The following NLGN1 variants were observed in gnomAD, a reference collection of about 807,000 sequenced individuals.
The protein encoded by NLGN1 is neuroligin-1.
In NLGN1, 12 loss-of-function variants were observed where a neutral mutation model predicts 65.5. That is an observed-to-expected ratio of 0.18 (90% CI 0.12 to 0.30). The LOEUF (loss-of-function observed/expected upper bound fraction) is 0.30, where lower values mean the gene tolerates loss of function less well. Ranked by LOEUF, NLGN1 falls within the 10% of genes least tolerant of loss-of-function variation. The pLI is 1.00. For synonymous variants in NLGN1, 350 were observed against 359.5 expected (o/e 0.97, Z 0.30); for missense variants, 750 against 1,007.1 (o/e 0.74, Z 3.46).
chr3:173,583,159 T>G (rs78301634), intron 2 of NLGN1, among the ~76,000 whole-genome samples: 3,668 of 152,346 alleles, frequency 0.024, 100 homozygotes, highest in East Asian at 0.11. Context: ...TAGTTCATAT[T>G]GGAACTTCCT....
intron 3 of NLGN1, among the ~76,000 whole-genome samples, chr3:173,652,627 A>G (rs1759384882): frequency 6.6e-6 from 1 of 152,150 alleles, no homozygotes; most frequent in Non-Finnish European, 1.5e-5. Context: ...TACCAGTACT[A>G]TGCTGTTATA....
intron 4 of NLGN1, among the ~76,000 whole-genome samples, chr3:173,854,147 A>G (rs910404445): frequency 1.3e-5 from 2 of 152,048 alleles, no homozygotes; most frequent in African/African-American, 4.8e-5. Context: ...TACACTTTTA[A>G]TATGGCAACA....
intron 1 of NLGN1, among the ~76,000 whole-genome samples, chr3:173,432,917 C>T (rs1171905646): frequency 6.6e-6 from 1 of 151,858 alleles, no homozygotes; most frequent in Non-Finnish European, 1.5e-5. Context: ...GGAACCACTC[C>T]CCCCAGGCTC....
chr3:174,006,738 G>T (rs1398658270), intron 4 of NLGN1, among the ~76,000 whole-genome samples: 1 of 152,094 alleles, frequency 6.6e-6, no homozygotes, highest in South Asian at 2.1e-4. Flanking sequence ...GGCTGTTAGG[G>T]TGTGCCCTAA....
chr3:174,026,652 C>A (rs541689351), intron 4 of NLGN1, among the ~76,000 whole-genome samples: 1 of 152,154 alleles, frequency 6.6e-6, no homozygotes, highest in East Asian at 1.9e-4. Context: ...TTGGATAAAA[C>A]AGGTGTTCAG....
At chr3:173,403,152 A>G (rs1038389451) in intron 1 of NLGN1, among the ~76,000 whole-genome samples, 3 of 152,174 alleles carry the variant, frequency 2.0e-5, no homozygotes, top group African/African-American at 7.2e-5. Flanking sequence ...TAGAATGCAT[A>G]CTTTCATGAT....
intron 3 of NLGN1, among the ~76,000 whole-genome samples, chr3:173,755,019 A>G (rs755232201): frequency 3.9e-5 from 6 of 152,148 alleles, no homozygotes; most frequent in Non-Finnish European, 7.4e-5. Context: ...AGATCAAGGT[A>G]GTGCTTAATT....
chr3:174,193,051 C>T (rs1010565033), intron 4 of NLGN1, among the ~76,000 whole-genome samples: 9 of 152,138 alleles, frequency 5.9e-5, no homozygotes, highest in Non-Finnish European at 1.2e-4. Flanking sequence ...TAATTGTCAG[C>T]TCCTGTCACT....
At chr3:173,530,408 G>C (rs1444936321) in intron 2 of NLGN1, among the ~76,000 whole-genome samples, 2 of 152,116 alleles carry the variant, frequency 1.3e-5, no homozygotes, top group African/African-American at 4.8e-5. Context: ...GAAGAGAGAG[G>C]GTGTGGATGA....
At chr3:174,170,974 T>C (rs1348255208) in intron 4 of NLGN1, among the ~76,000 whole-genome samples, 1 of 152,144 alleles carries the variant, frequency 6.6e-6, no homozygotes, top group African/African-American at 2.4e-5. Flanking sequence ...GAAATGAAAA[T>C]TTACATTCAT....
chr3:173,614,315 G>A (rs963165320), intron 3 of NLGN1, among the ~76,000 whole-genome samples: 2 of 152,058 alleles, frequency 1.3e-5, no homozygotes, highest in Non-Finnish European at 1.5e-5. Flanking sequence ...GCTACTCTCA[G>A]TAAAGGAAGA....
At chr3:173,433,071 C>G (rs1717478074) in intron 1 of NLGN1, among the ~76,000 whole-genome samples, 1 of 152,164 alleles carries the variant, frequency 6.6e-6, no homozygotes, top group South Asian at 2.1e-4. Flanking sequence ...TCTCCCTTTT[C>G]ATATTTGCAA....
intron 2 of NLGN1, among the ~76,000 whole-genome samples, chr3:173,594,296 C>G (rs907462328): frequency 2.0e-5 from 3 of 152,200 alleles, no homozygotes; most frequent in Non-Finnish European, 2.9e-5. Context: ...TAGATACAGC[C>G]ATTCCAAATG....
chr3:174,181,800 CACACACATAT>C (rs1730466721), intron 4 of NLGN1, among the ~76,000 whole-genome samples: 1 of 149,962 alleles, frequency 6.7e-6, no homozygotes, highest in African/African-American at 2.5e-5. Context: ...CACACACACA[CACACACATAT>C]GTATGTACAC....
chr3:174,032,992 A>ATAGATG (rs1730339028), intron 4 of NLGN1, among the ~76,000 whole-genome samples: 1 of 151,968 alleles, frequency 6.6e-6, no homozygotes, highest in Non-Finnish European at 1.5e-5. Flanking sequence ...ATATATAGAT[A>ATAGATG]TAGATCTATC....
downstream of NLGN1, among the ~76,000 whole-genome samples, chr3:174,291,073 CAA>C (rs1049542177): frequency 1.2e-4 from 18 of 148,012 alleles, no homozygotes; most frequent in African/African-American, 3.4e-4. Flanking sequence ...AAATGCAGAC[CAA>C]AGAATGCTTT....
chr3:174,121,615 G>T (rs146407272), intron 4 of NLGN1, among the ~76,000 whole-genome samples: 84 of 152,106 alleles, frequency 5.5e-4, no homozygotes, highest in Non-Finnish European at 1.1e-3. Flanking sequence ...ATAGCTATGG[G>T]CATACAATTT....
intron 4 of NLGN1, among the ~76,000 whole-genome samples, chr3:173,956,234 G>T (rs1322884639): frequency 6.6e-6 from 1 of 152,090 alleles, no homozygotes. Context: ...CAGCAAATTA[G>T]CAGTGAATCA....
intron 3 of NLGN1, among the ~76,000 whole-genome samples, chr3:173,704,429 G>C (rs187525232): frequency 2.6e-5 from 4 of 152,204 alleles, no homozygotes; most frequent in African/African-American, 7.2e-5. Flanking sequence ...TTGTTGCTCA[G>C]TGAGGTAAAT....
Sources: gnomAD v4.1 joint callset for allele counts (sites outside exome capture counted in the v4.1 genomes callset) on GRCh38, gnomAD v4.1.1 for gene constraint, MANE v1.5 for transcripts, NCBI Gene and HGNC (gene_info 2026-07-23, HGNC 2026-07-21) for gene names.